ASTN2: variants seen among roughly 807,000 people sequenced by gnomAD.
ASTN2 encodes the protein astrotactin-2.
A neutral mutation model predicts 139.8 loss-of-function variants in ASTN2; 54 were observed. The observed-to-expected ratio is 0.39, with a 90% confidence interval of 0.31 to 0.48. The LOEUF (loss-of-function observed/expected upper bound fraction) is 0.48. ASTN2 is among the 20% of genes least tolerant of loss of function. The pLI is 0.95. For synonymous variants in ASTN2, 756 were observed against 719.5 expected (o/e 1.05, Z -0.81); for missense variants, 1,565 against 1,725.1 (o/e 0.91, Z 1.64).
intron 10 of ASTN2, among the ~76,000 whole-genome samples, chr9:116,972,502 C>T (rs1836239391): frequency 2.0e-5 from 3 of 151,950 alleles, no homozygotes; most frequent in Admixed American, 2.0e-4. Context: ...TTATACATAT[C>T]CTTATGGGTG....
chr9:117,136,134 A>C (rs907365611), intron 4 of ASTN2, among the ~76,000 whole-genome samples: 8 of 152,182 alleles, frequency 5.3e-5, no homozygotes, highest in Non-Finnish European at 1.5e-5. Context: ...CAGAATAATA[A>C]ATAACACAAT....
rs530222882 is a variant in ASTN2, at chr9:116,929,372, G to T, written c.1889+45836C>A. 2.0e-5 allele frequency among the ~76,000 whole-genome samples: 3 copies of T among 152,194 alleles called. No individual in the cohort carries two copies. The South Asian group carries it at 6.2e-4, about 32-fold the overall frequency. ...AGGCCTAGCTACAATGCATTCCTTT[G>T]GTATAGATTATTTGCTTTGAATCAA... On this transcript the variant is annotated intron_variant, in intron 10 of 22. Transcript: ENST00000313400.
intron 10 of ASTN2, among the ~76,000 whole-genome samples, chr9:116,892,623 T>C (rs1206714776): frequency 6.6e-6 from 1 of 152,110 alleles, no homozygotes; most frequent in Non-Finnish European, 1.5e-5. Flanking sequence ...AATACATTGC[T>C]GCTGGAAGGC....
intron 13 of ASTN2, among the ~76,000 whole-genome samples, chr9:116,800,465 C>T (rs1045631052): frequency 1.3e-5 from 2 of 151,136 alleles, no homozygotes; most frequent in African/African-American, 4.9e-5. Flanking sequence ...CACATGCTCG[C>T]CCCCCAGAAC....
At chr9:117,283,004 T>C (rs1274908033) in intron 2 of ASTN2, among the ~76,000 whole-genome samples, 1 of 147,422 alleles carries the variant, frequency 6.8e-6, no homozygotes, top group Non-Finnish European at 1.5e-5. Flanking sequence ...TTTTGGAAAC[T>C]CTTGCTAAAT....
chr9:116,507,678 G>A (rs1850170585), intron 19 of ASTN2, among the ~76,000 whole-genome samples: 1 of 151,996 alleles, frequency 6.6e-6, no homozygotes, highest in African/African-American at 2.4e-5. Flanking sequence ...CTCTCTTATT[G>A]TTCTTGGCAC....
At chr9:116,730,119 T>G (rs1828737968) in intron 14 of ASTN2, among the ~76,000 whole-genome samples, 1 of 152,204 alleles carries the variant, frequency 6.6e-6, no homozygotes, top group Non-Finnish European at 1.5e-5. Context: ...AAAAATACAT[T>G]AAAAAGATGC....
In ASTN2 at chr9:117,117,918, G is replaced by A. The variant is rs191075324; in HGVS notation, c.1169-21767C>T. Among the ~76,000 whole-genome samples, 1,288 of 152,166 alleles carry A rather than the reference G, an allele frequency of 8.5e-3. 5 individuals carry two copies. Among genetic ancestry groups the A allele is most frequent in the Non-Finnish European group, 9.6e-3 (651 of 68,012 alleles). On this transcript the variant is annotated intron_variant, in intron 4 of 22. Coordinates refer to ENST00000313400, the MANE Select transcript of ASTN2 (RefSeq NM_001365068.1). Reference sequence around the variant, plus strand: ...GTAAGAGCCACCCAAAGGCCCCTGCGTCTCATGGCAGCAGGGCAGAATGTA... The same window carrying A: ...GTAAGAGCCACCCAAAGGCCCCTGCATCTCATGGCAGCAGGGCAGAATGTA...
chr9:116,770,400 T>G (rs1226889630), intron 13 of ASTN2, among the ~76,000 whole-genome samples: 1 of 152,162 alleles, frequency 6.6e-6, no homozygotes. Flanking sequence ...AGTTGCTGAG[T>G]GCGGGTTATG....
chr9:116,699,528 C>T lies in ASTN2; in HGVS notation c.2806+26243G>A, dbSNP rs765348678. 6.8e-6 allele frequency: 11 copies of T among 1,614,138 alleles called. 1 individual carries two copies. Among genetic ancestry groups the T allele is most frequent in the Admixed American group, 6.7e-5 (4 of 60,016 alleles). On this transcript the variant is annotated intron_variant, in intron 16 of 22. Coordinates refer to ENST00000313400, the MANE Select transcript of ASTN2 (RefSeq NM_001365068.1). The surrounding 1 kb of genome is among the most constrained non-coding windows in gnomAD (Gnocchi z 4.2). Reference sequence around the variant, plus strand: ...TGATCTCATCGTGGCTGACAGTAGTCGCAAGGAAATTCTCCATTTTCCTAA... The same window carrying T: ...TGATCTCATCGTGGCTGACAGTAGTTGCAAGGAAATTCTCCATTTTCCTAA...
At chr9:117,189,170 A>C (rs1173869103) in intron 3 of ASTN2, among the ~76,000 whole-genome samples, 6 of 152,190 alleles carry the variant, frequency 3.9e-5, no homozygotes, top group African/African-American at 1.4e-4. Context: ...AACGGCACTT[A>C]AAAGTGCTCA....
chr9:117,111,916 A>G (rs185651167), intron 4 of ASTN2, among the ~76,000 whole-genome samples: 11 of 152,200 alleles, frequency 7.2e-5, no homozygotes, highest in Admixed American at 5.9e-4. Flanking sequence ...ATACAAAACA[A>G]CTATTAGAAT....
chr9:117,252,036 C>A (rs1202168816), intron 2 of ASTN2, among the ~76,000 whole-genome samples: 1 of 152,110 alleles, frequency 6.6e-6, no homozygotes, highest in African/African-American at 2.4e-5. Context: ...TCAGAACAAC[C>A]TCTGATAAAA....
At position 116,436,711 on chromosome 9, in the gene ASTN2, A is replaced by C. The variant is rs144811354; in HGVS notation, c.3782+3898T>G. ...TAAGATTTATTTAGAAAAAAAGGGT[A>C]TATACCCAAAGGACTATAAATCATG... On this transcript the variant is annotated intron_variant, in intron 22 of 22. Transcript: ENST00000313400. Among the ~76,000 whole-genome samples the C allele has an allele frequency of 4.2e-3, 635 of 152,278 alleles. 4 individuals are homozygous for C. Among genetic ancestry groups the C allele is most frequent in the African/African-American group, 0.015 (604 of 41,556 alleles).
At chr9:117,160,311 G>A (rs757925308) in intron 3 of ASTN2, among the ~76,000 whole-genome samples, 1 of 152,062 alleles carries the variant, frequency 6.6e-6, no homozygotes, top group Non-Finnish European at 1.5e-5. Flanking sequence ...CATCTGTGGT[G>A]ACACAGAAGT....
chr9:116,729,117 G>C lies in ASTN2; in HGVS notation c.2522-21C>G, dbSNP rs759254403. 102 of 1,542,986 alleles carry C rather than the reference G, an allele frequency of 6.6e-5. 1 individual carries two copies. In the East Asian group the frequency reaches 2.4e-3, roughly 37 times the overall value. On this transcript the variant is annotated intron_variant, in intron 14 of 22. Coordinates refer to ENST00000313400, the MANE Select transcript of ASTN2 (RefSeq NM_001365068.1). ...ATCTCCTGGGAGAGAAAATAAGATG[G>C]TCACGTGAGCCCAGAATTAAGACGC...
At chr9:116,930,462 G>T (rs749397971) in intron 10 of ASTN2, among the ~76,000 whole-genome samples, 18 of 152,072 alleles carry the variant, frequency 1.2e-4, no homozygotes, top group Non-Finnish European at 2.5e-4. Context: ...AAAAAAAGGG[G>T]ATGGCACCCA....
intron 2 of ASTN2, among the ~76,000 whole-genome samples, chr9:117,245,740 T>C (rs1030312668): frequency 6.6e-6 from 1 of 152,172 alleles, no homozygotes; most frequent in South Asian, 2.1e-4. Context: ...TTCTGCCCCC[T>C]GGTATCTGCT....
chr9:116,908,312 G>C (rs1435402084), intron 10 of ASTN2, among the ~76,000 whole-genome samples: 1 of 152,142 alleles, frequency 6.6e-6, no homozygotes, highest in Non-Finnish European at 1.5e-5. Flanking sequence ...ATGAGTTGTA[G>C]TTTTTCTCTA....
Sources: gnomAD v4.1 joint callset for allele counts (sites outside exome capture counted in the v4.1 genomes callset) on GRCh38, gnomAD v4.1.1 for gene constraint, Gnocchi (gnomAD v3.1) non-coding constraint, MANE v1.5 for transcripts, NCBI Gene and HGNC (gene_info 2026-07-23, HGNC 2026-07-21) for gene names.